The following TRIM5 variants were observed in gnomAD, a reference collection of about 807,000 sequenced individuals.
The protein encoded by TRIM5 is tripartite motif-containing protein 5.
TRIM5 carries 31 observed loss-of-function variants against 35.6 expected under a neutral mutation model. The ratio of observed to expected loss-of-function variants is 0.87; its 90% CI spans 0.65 to 1.18. The LOEUF is 1.18. Ranked by LOEUF, TRIM5 falls within the 50% of genes most tolerant of loss-of-function variation. TRIM5 has a pLI of 0.00. For missense variants in TRIM5, 609 were observed against 591.6 expected (o/e 1.03, Z -0.31); for synonymous variants, 243 against 215.6 (o/e 1.13, Z -1.11).
the TRIM5 span, among the ~76,000 whole-genome samples, chr11:5,651,147 G>C: frequency 3.3e-5 from 5 of 152,156 alleles, no homozygotes; most frequent in African/African-American, 1.2e-4. Flanking sequence ...TTGGTTGTAG[G>C]CATGGCCAGA....
the TRIM5 span, among the ~76,000 whole-genome samples, chr11:5,616,142 G>A: frequency 1.3e-5 from 2 of 148,880 alleles, no homozygotes; most frequent in African/African-American, 4.9e-5. Context: ...TAGTAGAGGC[G>A]GGGTTTCACC....
chr11:5,646,664 C>T, the TRIM5 span, among the ~76,000 whole-genome samples: 1 of 152,136 alleles, frequency 6.6e-6, no homozygotes, highest in Admixed American at 6.5e-5. Context: ...GACTCCCAAA[C>T]CTCTGACTTT....
the TRIM5 span, among the ~76,000 whole-genome samples, chr11:5,609,429 A>G: frequency 1.3e-5 from 2 of 152,190 alleles, no homozygotes; most frequent in African/African-American, 2.4e-5. Flanking sequence ...AGCCCCAGCA[A>G]TAGGCCCCTG....
the TRIM5 span, chr11:5,632,278 A>G: frequency 1.1e-5 from 17 of 1,611,646 alleles, no homozygotes; most frequent in Non-Finnish European, 8.5e-7. Context: ...TTTAACCAGA[A>G]GAGAGAGGAG....
the TRIM5 span, among the ~76,000 whole-genome samples, chr11:5,618,925 T>C: frequency 6.6e-6 from 1 of 152,230 alleles, no homozygotes; most frequent in African/African-American, 2.4e-5. Flanking sequence ...CAGTGTAGCA[T>C]GATAAGGACA....
the TRIM5 span, chr11:5,641,169 C>T: frequency 6.2e-7 from 1 of 1,613,394 alleles, no homozygotes; most frequent in African/African-American, 1.3e-5. Flanking sequence ...CTTTCTAGGA[C>T]ATGAGTGGAA....
the TRIM5 span, among the ~76,000 whole-genome samples, chr11:5,650,313 G>C: frequency 6.6e-6 from 1 of 152,264 alleles, no homozygotes; most frequent in South Asian, 2.1e-4. Context: ...CATACGTCTG[G>C]CTATTTCTCT....
At chr11:5,676,212 T>C (rs541999765) in intron 4 of TRIM5, among the ~76,000 whole-genome samples, 1 of 152,176 alleles carries the variant, frequency 6.6e-6, no homozygotes, top group East Asian at 1.9e-4. Context: ...TTTGGGTATA[T>C]ACCCAGTAAT....
intron 4 of TRIM5, among the ~76,000 whole-genome samples, chr11:5,674,826 T>C (rs58029953): frequency 0.088 from 13,341 of 152,216 alleles, 615 homozygotes; most frequent in Non-Finnish European, 0.096. Context: ...ACTTAGTATG[T>C]AGATGTAAAA....
the TRIM5 span, chr11:5,605,543 G>A: frequency 1.2e-6 from 2 of 1,613,764 alleles, no homozygotes; most frequent in South Asian, 2.2e-5. Context: ...GTCGATGTCA[G>A]GGGTCAACAA....
the TRIM5 span, chr11:5,655,590 T>G: frequency 1.1e-6 from 1 of 948,828 alleles, no homozygotes; most frequent in African/African-American, 1.8e-5. Context: ...TTGGTCATCC[T>G]ACATGAATAG....
At chr11:5,643,009 T>C in the TRIM5 span, 2 of 1,319,718 alleles carry the variant, frequency 1.5e-6, no homozygotes, top group Non-Finnish European at 2.0e-6. Flanking sequence ...TCAGTGCAAG[T>C]TTTTCAGTCA....
At chr11:5,632,525 T>C in the TRIM5 span, 2 of 1,613,852 alleles carry the variant, frequency 1.2e-6, no homozygotes, top group East Asian at 2.2e-5. Flanking sequence ...AGTTACTCAT[T>C]TGAACATCTA....
the TRIM5 span, among the ~76,000 whole-genome samples, chr11:5,614,757 A>G: frequency 1.3e-5 from 2 of 152,206 alleles, no homozygotes; most frequent in African/African-American, 4.8e-5. Context: ...TTTGATTCTA[A>G]CTTAAAAATA....
At chr11:5,639,679 C>CAAAAAAAAAAAAAA in the TRIM5 span, among the ~76,000 whole-genome samples, 2 of 51,128 alleles carry the variant, frequency 3.9e-5, no homozygotes, top group African/African-American at 8.7e-5. Context: ...GACTCTATTT[C>CAAAAAAAAAAAAAA]AAAAAAAAAA....
chr11:5,620,301 C>A, the TRIM5 span, among the ~76,000 whole-genome samples: 2 of 151,030 alleles, frequency 1.3e-5, no homozygotes, highest in African/African-American at 4.9e-5. Flanking sequence ...CCTCAACCTC[C>A]CAAGTAACTG....
At chr11:5,610,279 A>G in the TRIM5 span, 2 of 1,613,668 alleles carry the variant, frequency 1.2e-6, no homozygotes, top group East Asian at 4.5e-5. Flanking sequence ...TTTGGATGTG[A>G]AATTACTGTC....
Position 5,667,847 on chromosome 11 carries a change from TA to T in TRIM5, c.745-137del. ...AGTGTGAAAGACAAAAAAGCAAAGA[TA>T]AGACTCAAGGCAATCATCCCAGAAG... On this transcript the variant is annotated intron_variant, in intron 4 of 7. Transcript: ENST00000380034. 3 of 891,980 alleles carry T rather than the reference TA, an allele frequency of 3.4e-6. No individual in the cohort carries two copies. The South Asian group carries it at 5.4e-5, about 16-fold the overall frequency. 55.3% of individuals were successfully genotyped at this position (891,980 alleles called of 1,614,324 possible).
At chr11:5,657,597 AT>A in the TRIM5 span, among the ~76,000 whole-genome samples, 1 of 96,534 alleles carries the variant, frequency 1.0e-5, no homozygotes, top group Non-Finnish European at 1.9e-5. Flanking sequence ...TGCATTATAT[AT>A]AATATATATT....
Sources: allele counts gnomAD v4.1 joint callset (sites outside exome capture counted in the v4.1 genomes callset), GRCh38; gene constraint gnomAD v4.1.1; transcripts MANE v1.5; gene names NCBI Gene and HGNC (gene_info 2026-07-23, HGNC 2026-07-21).